Variants in TPD52 observed in about 807,000 individuals in gnomAD.
The protein encoded by TPD52 is tumor protein D52.
TPD52 carries 17 observed loss-of-function variants against 31.3 expected under a neutral mutation model. The ratio of observed to expected loss-of-function variants is 0.54; its 90% CI spans 0.37 to 0.82. TPD52 has a LOEUF of 0.82. Among genes scored for constraint, TPD52 ranks in the 40% least tolerant of loss-of-function variants. The probability of loss-of-function intolerance (pLI) is 0.00; values close to 1 mark genes in which losing one functional copy is unlikely to be tolerated. For missense variants in TPD52, 212 were observed against 240.1 expected, an observed-to-expected ratio of 0.88 and a Z score of 0.77; for synonymous variants, 83 against 89.6, an observed-to-expected ratio of 0.93 and a Z score of 0.42.
intron 1 of TPD52, among the ~76,000 whole-genome samples, chr8:80,114,741 C>T (rs1807741252): frequency 6.6e-6 from 1 of 152,154 alleles, no homozygotes; most frequent in Non-Finnish European, 1.5e-5. Flanking sequence ...TTTCTGGCTG[C>T]CTTGCCTATA....
chr8:80,032,152 CAAAAAA>C (rs150988844), downstream of TPD52, among the ~76,000 whole-genome samples: 804 of 56,520 alleles, frequency 0.014, 8 homozygotes, highest in African/African-American at 0.03. Context: ...GACTCCAGCT[CAAAAAA>C]AAAAAAAAAA....
chr8:80,144,179 A>C (rs561012764), intron 1 of TPD52, among the ~76,000 whole-genome samples: 1 of 152,200 alleles, frequency 6.6e-6, no homozygotes, highest in Non-Finnish European at 1.5e-5. Context: ...ATATTTTGTA[A>C]TATTACATAT....
chr8:80,076,121 A>G (rs1814503164), intron 1 of TPD52, among the ~76,000 whole-genome samples: 2 of 152,196 alleles, frequency 1.3e-5, no homozygotes, highest in Non-Finnish European at 2.9e-5. Flanking sequence ...CTTCCTGTAC[A>G]TTAGAAAATT....
chr8:80,149,307 C>A (rs1172544913), intron 1 of TPD52, among the ~76,000 whole-genome samples: 2 of 152,232 alleles, frequency 1.3e-5, no homozygotes, highest in African/African-American at 4.8e-5. Context: ...TGCACACGCT[C>A]TCCTTGCCTG....
intron 1 of TPD52, among the ~76,000 whole-genome samples, chr8:80,133,953 C>T (rs1809209427): frequency 6.6e-6 from 1 of 152,006 alleles, no homozygotes; most frequent in Non-Finnish European, 1.5e-5. Context: ...CTAGAAGTCA[C>T]GGTTGAAATT....
chr8:80,119,236 T>C (rs1450220802), intron 1 of TPD52, among the ~76,000 whole-genome samples: 1 of 152,044 alleles, frequency 6.6e-6, no homozygotes, highest in Non-Finnish European at 1.5e-5. Context: ...AGAAAGTAGA[T>C]CAGTAATTGC....
At chr8:80,072,884 CT>C (rs1299043690) in intron 1 of TPD52, among the ~76,000 whole-genome samples, 6 of 151,756 alleles carry the variant, frequency 4.0e-5, no homozygotes, top group Non-Finnish European at 1.5e-5. Flanking sequence ...AGGTGGATCA[CT>C]TGAAGCCAGG....
intron 1 of TPD52, among the ~76,000 whole-genome samples, chr8:80,088,948 G>A (rs1193134260): frequency 2.6e-5 from 4 of 152,202 alleles, no homozygotes; most frequent in African/African-American, 9.7e-5. Context: ...GCCCGCCTCG[G>A]CCTCCCAAAG....
intron 1 of TPD52, among the ~76,000 whole-genome samples, chr8:80,099,510 T>TC (rs1806575004): frequency 1.1e-5 from 1 of 89,994 alleles, no homozygotes; most frequent in South Asian, 4.6e-4. Flanking sequence ...GTCTAACATC[T>TC]TTTTTTTTTT....
At chr8:80,117,061 C>G (rs1807913497) in intron 1 of TPD52, among the ~76,000 whole-genome samples, 1 of 152,116 alleles carries the variant, frequency 6.6e-6, no homozygotes, top group South Asian at 2.1e-4. Context: ...TTAACAAAGA[C>G]CGAATGTTTT....
At chr8:80,123,442 T>C (rs752314312) in intron 1 of TPD52, among the ~76,000 whole-genome samples, 2 of 152,116 alleles carry the variant, frequency 1.3e-5, no homozygotes, top group Non-Finnish European at 2.9e-5. Flanking sequence ...AAAAATATAT[T>C]CCAGCCGGGC....
chr8:80,062,615 G>A (rs1271445166), intron 2 of TPD52, among the ~76,000 whole-genome samples: 1 of 152,102 alleles, frequency 6.6e-6, no homozygotes. Flanking sequence ...AATTGCTGAT[G>A]GGAATATTAA....
At chr8:80,101,448 C>CA (rs113660828) in intron 1 of TPD52, among the ~76,000 whole-genome samples, 3,383 of 114,224 alleles carry the variant, frequency 0.03, 452 homozygotes, top group South Asian at 0.057. Context: ...ACTCCCAGCT[C>CA]AAAAAAAAAA....
intron 1 of TPD52, among the ~76,000 whole-genome samples, chr8:80,136,434 G>A (rs866074203): frequency 8.9e-5 from 13 of 146,406 alleles, no homozygotes; most frequent in African/African-American, 3.3e-4. Context: ...TGAGGCAGGA[G>A]AATGGCAGGA....
At chr8:80,133,167 T>C (rs1809147312) in intron 1 of TPD52, among the ~76,000 whole-genome samples, 1 of 152,350 alleles carries the variant, frequency 6.6e-6, no homozygotes, top group East Asian at 1.9e-4. Flanking sequence ...ATAACTCATA[T>C]AGTTGCTATT....
At chr8:80,080,308 T>A (rs767808473) in intron 1 of TPD52, 3 of 1,613,366 alleles carry the variant, frequency 1.9e-6, no homozygotes, top group Non-Finnish European at 2.5e-6. Flanking sequence ...ACAAAATTAG[T>A]AGTTACCAAA....
chr8:80,158,899 C>A (rs1302478810), intron 1 of TPD52: 1 of 137,894 alleles, frequency 7.3e-6, no homozygotes, highest in Non-Finnish European at 1.5e-5. Flanking sequence ...AGCCGAGATC[C>A]CGCCACTGCA....
Position 80,089,473 on chromosome 8 carries a change from G to A in TPD52, c.20-24880C>T, listed in dbSNP as rs1392652613. Among the ~76,000 whole-genome samples the A allele has an allele frequency of 2.6e-5, 4 of 152,226 alleles. No individual in the cohort carries two copies. In the South Asian group the frequency reaches 8.3e-4, roughly 32 times the overall value. ...CTTCTGGAGTAAATGGCCAGCCTGAGGTTAGAAATTAAACTTCTATCCTCA... is the reference window on the plus strand; with the variant it reads ...CTTCTGGAGTAAATGGCCAGCCTGAAGTTAGAAATTAAACTTCTATCCTCA... On this transcript the variant is annotated intron_variant, in intron 1 of 7. Transcript: ENST00000518937.
intron 1 of TPD52, among the ~76,000 whole-genome samples, chr8:80,098,736 C>G (rs1391457983): frequency 1.3e-5 from 2 of 152,194 alleles, no homozygotes; most frequent in Non-Finnish European, 2.9e-5. Context: ...AAAGCAGCAG[C>G]AGGGTTTGAG....
Sources: gnomAD v4.1 joint callset for allele counts (sites outside exome capture counted in the v4.1 genomes callset) on GRCh38, gnomAD v4.1.1 for gene constraint, MANE v1.5 for transcripts, NCBI Gene and HGNC (gene_info 2026-07-23, HGNC 2026-07-21) for gene names.